FRMD3: variants seen among roughly 807,000 people sequenced by gnomAD.
FRMD3 encodes FERM domain containing 3, also known as FERM domain-containing protein 3.
A neutral mutation model predicts 70.2 loss-of-function variants in FRMD3; 33 were observed. That is an observed-to-expected ratio of 0.47 (90% CI 0.36 to 0.63). FRMD3 has a LOEUF of 0.63. Among genes scored for constraint, FRMD3 ranks in the 20% least tolerant of loss-of-function variants. The pLI, the probability that FRMD3 is intolerant of heterozygous loss-of-function variation, is 0.00. For missense variants in FRMD3, 632 were observed against 711.4 expected, an observed-to-expected ratio of 0.89 and a Z score of 1.27; for synonymous variants, 279 against 255.9, an observed-to-expected ratio of 1.09 and a Z score of -0.86.
chr9:83,245,740 A>G lies in FRMD3; in HGVS notation c.*2178T>C. The G allele has an allele frequency of 2.0e-6, 2 of 984,648 alleles. No individual in the cohort carries two copies. The highest frequency in any genetic ancestry group is 2.4e-6 in the Non-Finnish European group (2 of 829,254). 61.0% of individuals were successfully genotyped at this position (984,648 alleles called of 1,614,324 possible). A position where few individuals can be genotyped will look rare whatever the true frequency, so the allele number is the denominator to read the frequency against. On this transcript the variant is annotated 3_prime_UTR_variant, in exon 14 of 14. Transcript: ENST00000304195. ...AACTTTAGAGAAAATTATATGACGC[A>G]TGATCAGAAGGGGACTAATTTTGTG...
intron 3 of FRMD3, among the ~76,000 whole-genome samples, chr9:83,353,171 T>C (rs953566503): frequency 6.6e-6 from 1 of 151,526 alleles, no homozygotes; most frequent in African/African-American, 2.4e-5. Context: ...TCCCTGTAAG[T>C]TGGAAGAACC....
chr9:83,584,017 G>A, the FRMD3 span, among the ~76,000 whole-genome samples: 4 of 152,122 alleles, frequency 2.6e-5, no homozygotes, highest in Admixed American at 1.3e-4. Flanking sequence ...ACTTCCAAGT[G>A]TTTGGCTCCA....
At chr9:83,308,966 C>T (rs75384217) in intron 10 of FRMD3, among the ~76,000 whole-genome samples, 4,616 of 152,040 alleles carry the variant, frequency 0.03, 106 homozygotes, top group Non-Finnish European at 0.045. Flanking sequence ...GATAAACAGC[C>T]CCACCTCTTT....
chr9:83,433,901 G>T (rs900414654), intron 1 of FRMD3, among the ~76,000 whole-genome samples: 1 of 152,190 alleles, frequency 6.6e-6, no homozygotes. Flanking sequence ...CTCACCTCCT[G>T]CTGTGCAGCC....
At chr9:83,355,150 C>A (rs190128444) in intron 3 of FRMD3, among the ~76,000 whole-genome samples, 98 of 152,294 alleles carry the variant, frequency 6.4e-4, no homozygotes, top group African/African-American at 2.3e-3. Context: ...AACCCCTTCT[C>A]CAAGCTGCTA....
intron 2 of FRMD3, among the ~76,000 whole-genome samples, chr9:83,388,942 CTT>C (rs554000690): frequency 6.7e-4 from 79 of 117,104 alleles, no homozygotes; most frequent in African/African-American, 2.1e-3. Flanking sequence ...CTACCAATAG[CTT>C]TTTTTTTTTT....
the FRMD3 span, among the ~76,000 whole-genome samples, chr9:83,547,437 T>C: frequency 1.3e-5 from 2 of 151,642 alleles, no homozygotes; most frequent in Admixed American, 1.3e-4. Flanking sequence ...TCTTTTACTG[T>C]TTGTCCCTAT....
At chr9:83,509,069 T>G (rs1251070765) in intron 1 of FRMD3, among the ~76,000 whole-genome samples, 2 of 77,684 alleles carry the variant, frequency 2.6e-5, no homozygotes, top group Admixed American at 2.4e-4. Flanking sequence ...ACAGACATAC[T>G]TAATATTTTA....
At chr9:83,369,577 A>AAAAT (rs138276429) in intron 3 of FRMD3, among the ~76,000 whole-genome samples, 36,773 of 141,862 alleles carry the variant, frequency 0.26, 5,203 homozygotes, top group Admixed American at 0.33. Flanking sequence ...ACTCTGTCTC[A>AAAAT]AAATAAATAA....
At chr9:83,265,395 T>TAAAAA (rs59688591) in intron 13 of FRMD3, among the ~76,000 whole-genome samples, 4 of 77,396 alleles carry the variant, frequency 5.2e-5, no homozygotes, top group Non-Finnish European at 7.5e-5. Context: ...GCGAGACTCT[T>TAAAAA]AAAAAAAAAA....
chr9:83,534,014 G>T (rs985518385), intron 1 of FRMD3, among the ~76,000 whole-genome samples: 1 of 152,186 alleles, frequency 6.6e-6, no homozygotes, highest in Admixed American at 6.5e-5. Context: ...GTAGATAGAA[G>T]ATGGCTAGGA....
rs555516338 is a variant in FRMD3 at position 83,367,128 on chromosome 9, C to G, written c.295+5785G>C. ...CAAGGACTCTGCAAAACCAAACATT[C>G]AAAAATATGCAATTCAGTTAACACT... is the stretch of plus-strand genomic sequence containing the variant. On this transcript the variant is annotated intron_variant, in intron 3 of 13. Transcript: ENST00000304195. 6.6e-5 allele frequency among the ~76,000 whole-genome samples: 10 copies of G among 152,258 alleles called. No homozygotes were observed. In the Middle Eastern group the frequency reaches 0.01, roughly 155 times the overall value.
chr9:83,566,346 T>C, the FRMD3 span, among the ~76,000 whole-genome samples: 3 of 152,134 alleles, frequency 2.0e-5, no homozygotes, highest in Admixed American at 6.5e-5. Context: ...CCACAACATG[T>C]GGGAATTCTG....
chr9:83,433,244 C>G (rs1358534284), intron 1 of FRMD3, among the ~76,000 whole-genome samples: 1 of 152,172 alleles, frequency 6.6e-6, no homozygotes, highest in Non-Finnish European at 1.5e-5. Flanking sequence ...GCAATTAATG[C>G]ATGCTTAGTT....
At chr9:83,485,990 A>T (rs960099235) in intron 1 of FRMD3, among the ~76,000 whole-genome samples, 1 of 152,002 alleles carries the variant, frequency 6.6e-6, no homozygotes, top group Non-Finnish European at 1.5e-5. Context: ...CATCATATAC[A>T]TTATGTATCT....
At chr9:83,259,767 TACTA>T (rs1832900742) in intron 13 of FRMD3, among the ~76,000 whole-genome samples, 1 of 152,192 alleles carries the variant, frequency 6.6e-6, no homozygotes, top group South Asian at 2.1e-4. Context: ...TCATAGTTGT[TACTA>T]ACCAGACCCA....
At position 83,487,704 on chromosome 9, in the gene FRMD3, T is replaced by C. The variant is rs867100176; in HGVS notation, c.147+50381A>G. Among the ~76,000 whole-genome samples the C allele has an allele frequency of 3.9e-5, 6 of 152,210 alleles. No homozygotes were observed. In the South Asian group the frequency reaches 8.3e-4, roughly 21 times the overall value. ...TAACCAAATATTACCCTGTGGAACA[T>C]GCAACAGTGAAAATGTGAACTAGCA... On this transcript the variant is annotated intron_variant, in intron 1 of 13. Transcript: ENST00000304195.
intron 13 of FRMD3, among the ~76,000 whole-genome samples, chr9:83,272,963 G>A (rs2118828858): frequency 6.6e-6 from 1 of 151,582 alleles, no homozygotes; most frequent in African/African-American, 2.4e-5. Flanking sequence ...CGTCTGGGAA[G>A]TGAGGAGCAT....
intron 3 of FRMD3, among the ~76,000 whole-genome samples, chr9:83,354,129 T>C (rs1444477534): frequency 1.3e-5 from 2 of 152,148 alleles, no homozygotes; most frequent in Non-Finnish European, 2.9e-5. Context: ...TTTCACCACG[T>C]TGGCCAGGCT....
Sources: allele counts gnomAD v4.1 joint callset (sites outside exome capture counted in the v4.1 genomes callset), GRCh38; gene constraint gnomAD v4.1.1; transcripts MANE v1.5; gene names NCBI Gene and HGNC (gene_info 2026-07-23, HGNC 2026-07-21).